DOT1L: variants seen among roughly 807,000 people sequenced by gnomAD.
The protein encoded by DOT1L is DOT1 like histone lysine methyltransferase.
Under a neutral mutation model 153.3 loss-of-function variants are expected in DOT1L, and 33 were observed. The ratio of observed to expected loss-of-function variants is 0.22; its 90% CI spans 0.16 to 0.29. The LOEUF is 0.29. Ranked by LOEUF, DOT1L falls within the 10% of genes least tolerant of loss-of-function variation. DOT1L has a pLI of 1.00. For synonymous variants in DOT1L, 1,135 were observed against 965.1 expected (o/e 1.18, Z -3.26); for missense variants, 1,847 against 2,119.9 (o/e 0.87, Z 2.53).
At chr19:2,187,348 C>T (rs763237030) in intron 3 of DOT1L, among the ~76,000 whole-genome samples, 8 of 152,248 alleles carry the variant, frequency 5.3e-5, no homozygotes, top group Admixed American at 1.3e-4. Flanking sequence ...GCTGTGCTCA[C>T]GGCGCCCCTC....
chr19:2,228,463 C>T (rs2024461709), intron 27 of DOT1L: 6 of 1,213,370 alleles, frequency 4.9e-6, no homozygotes, highest in African/African-American at 1.6e-5. Flanking sequence ...CCACAGGGCT[C>T]GGCAGAAGTT....
At chr19:2,182,229 AAAAT>A (rs374381549) in intron 2 of DOT1L, among the ~76,000 whole-genome samples, 2 of 151,904 alleles carry the variant, frequency 1.3e-5, no homozygotes, top group Non-Finnish European at 2.9e-5. Context: ...CTCCATCTCA[AAAAT>A]AAATAAATAA....
rs750798710 is a variant in DOT1L, at chr19:2,213,906, G to T, written c.1717G>T (p.Ala573Ser). 1 of 1,613,104 alleles carries T rather than the reference G, an allele frequency of 6.2e-7. No homozygotes were observed. Among genetic ancestry groups the T allele is most frequent in the South Asian group, 1.1e-5 (1 of 91,088 alleles). ...DLIQAQKEIS[A>S]HNQQLREQSE... is the part of the protein sequence containing the mutation. Reference sequence around the variant, plus strand: ...GATTCAAGCGCAGAAGGAGATCTCCGCCCATAACCAGCAGCTGCGGGAGCA... The same window carrying T: ...GATTCAAGCGCAGAAGGAGATCTCCTCCCATAACCAGCAGCTGCGGGAGCA... Residue 573 changes from alanine (A) to serine (S), a missense_variant, in exon 18 of 28, where the codon GCC becomes TCC. This residue lies in a region of DOT1L where 156 missense variants were observed against 235.7 expected (regional missense o/e 0.66). Transcript: ENST00000398665.
intron 9 of DOT1L, 74 bp from the exon 10 acceptor site, chr19:2,206,655 T>C: frequency 6.8e-7 from 1 of 1,471,618 alleles, no homozygotes; most frequent in African/African-American, 1.4e-5. Flanking sequence ...TTGTTCCTTC[T>C]CTGTCACCTT....
At chr19:2,224,490 CAG>C (rs1599620290) in intron 25 of DOT1L, among the ~76,000 whole-genome samples, 4 of 143,052 alleles carry the variant, frequency 2.8e-5, no homozygotes, top group East Asian at 4.0e-4. Context: ...TCCTGAGACA[CAG>C]AGTTTTGGTC....
intron 7 of DOT1L, among the ~76,000 whole-genome samples, chr19:2,194,785 C>T (rs774661351): frequency 1.3e-5 from 2 of 152,242 alleles, no homozygotes; most frequent in East Asian, 1.9e-4. Context: ...CCCTCTCGTC[C>T]TCTCTGACAT....
intron 1 of DOT1L, among the ~76,000 whole-genome samples, chr19:2,167,902 A>C (rs2019988016): frequency 6.6e-6 from 1 of 151,460 alleles, no homozygotes; most frequent in Non-Finnish European, 1.5e-5. Context: ...TGCCTGGCTT[A>C]TTTTGTATTT....
chr19:2,229,312 T>C, intron 27 of DOT1L: 1 of 985,434 alleles, frequency 1.0e-6, no homozygotes, highest in Non-Finnish European at 1.2e-6. Flanking sequence ...GCCCTCTGCT[T>C]GCCCCTGGCC....
At position 2,228,836 on chromosome 19, in the gene DOT1L, C is replaced by T; in HGVS notation, c.4607-949C>T. 5 of 985,378 alleles carry T rather than the reference C, an allele frequency of 5.1e-6. 1 individual carries two copies. In the South Asian group the frequency reaches 1.4e-4, roughly 28 times the overall value. The allele number at this position is 985,378 out of a possible 1,614,324, so 61.0% of individuals were successfully genotyped here. On this transcript the variant is annotated intron_variant, in intron 27 of 27. Coordinates refer to ENST00000398665, the MANE Select transcript of DOT1L (RefSeq NM_032482.3). The stretch of plus-strand genomic sequence containing the variant: ...AGGCACGGTGCCGGCTGCAGAGGTC[C>T]TGGAGAGCCAGGGTGGCTGGCTGGA...
At position 2,179,700 on chromosome 19, in the gene DOT1L, G is replaced by A. The variant is rs180714727; in HGVS notation, c.82-1013G>A. ...CTCATGCCAGTAATCCCAGCTACTC[G>A]GGAGGCTGAGGCAGGAGAATCCCTT... On this transcript the variant is annotated intron_variant, in intron 1 of 27. Transcript: ENST00000398665. Among the ~76,000 whole-genome samples, 4 of 152,224 alleles carry A rather than the reference G, an allele frequency of 2.6e-5. No individual in the cohort carries two copies. In the East Asian group the frequency reaches 7.7e-4, roughly 29 times the overall value.
chr19:2,167,738 T>C (rs959748817), intron 1 of DOT1L, among the ~76,000 whole-genome samples: 5 of 85,190 alleles, frequency 5.9e-5, no homozygotes, highest in Admixed American at 1.2e-4. Context: ...TCTTTTCTTT[T>C]TTTTTTTTTT....
chr19:2,219,508 C>T (rs2024033228), intron 22 of DOT1L, among the ~76,000 whole-genome samples: 1 of 152,146 alleles, frequency 6.6e-6, no homozygotes, highest in Non-Finnish European at 1.5e-5. Context: ...TTCATCCGTG[C>T]CCAGTTGATG....
Position 2,193,813 on chromosome 19 carries a change from G to T in DOT1L, c.588+30G>T, listed in dbSNP as rs773710938. On this transcript the variant is annotated intron_variant, in intron 6 of 27. Coordinates refer to ENST00000398665, the MANE Select transcript of DOT1L (RefSeq NM_032482.3). This position sits in a 1 kb window ranked among gnomAD's most constrained non-coding sequence, Gnocchi z 5.9. ...GCGGATCTGAGGGCCAGGGTGTGTT[G>T]GAGGCAGGGGACCATCAGAGAAAGT... 6.2e-7 allele frequency: 1 copy of T among 1,605,422 alleles called. No individual in the cohort carries two copies. Among genetic ancestry groups the T allele is most frequent in the Non-Finnish European group, 8.5e-7 (1 of 1,174,614 alleles).
chr19:2,179,414 C>T (rs1035673588), intron 1 of DOT1L, among the ~76,000 whole-genome samples: 1 of 152,088 alleles, frequency 6.6e-6, no homozygotes, highest in African/African-American at 2.4e-5. Flanking sequence ...CTCTGACGCG[C>T]CCTGTGGACT....
chr19:2,187,779 G>T (rs186216076), intron 3 of DOT1L, among the ~76,000 whole-genome samples: 1 of 152,134 alleles, frequency 6.6e-6, no homozygotes, highest in Non-Finnish European at 1.5e-5. Context: ...AAAATTAGCC[G>T]GGCGTGGTGG....
intron 22 of DOT1L, among the ~76,000 whole-genome samples, chr19:2,218,523 A>G (rs954675502): frequency 4.0e-5 from 6 of 150,038 alleles, no homozygotes; most frequent in African/African-American, 1.5e-4. Flanking sequence ...CCTCCCGAGT[A>G]GCTGGGACTA....
At position 2,222,499 on chromosome 19, in the gene DOT1L, G is replaced by C. The variant is rs368764132; in HGVS notation, c.3330G>C (p.Leu1110=). Residue 1110 remains leucine (L), a synonymous_variant, in exon 24 of 28, where the codon CTG becomes CTC. Transcript: ENST00000398665. The surrounding 1 kb of genome is among the most constrained non-coding windows in gnomAD (Gnocchi z 6.5). Reference sequence around the variant, plus strand: ...GCGTGTCCCCCAAGCGCCGAGCCCTGCCGTCCGTCGCTGGCCTTTTCACAC... The same window carrying C: ...GCGTGTCCCCCAAGCGCCGAGCCCTCCCGTCCGTCGCTGGCCTTTTCACAC... ...SAGVSPKRRA[L]PSVAGLFTQP... is the part of the protein sequence containing the mutation. 11 of 1,583,344 alleles carry C rather than the reference G, an allele frequency of 6.9e-6. No homozygotes were observed. In the African/African-American group the frequency reaches 1.5e-4, roughly 21 times the overall value.
rs913274624 is a variant in DOT1L, at chr19:2,193,929, C to T, written c.588+146C>T. ...CCCAAGACGTCTTGGTTGCCTGCAG[C>T]GTGTGCCTGTGAATAGGGTGCCCGA... On this transcript the variant is annotated intron_variant, in intron 6 of 27. Transcript: ENST00000398665. The surrounding 1 kb of genome is among the most constrained non-coding windows in gnomAD (Gnocchi z 5.9). 1.8e-5 allele frequency: 15 copies of T among 823,702 alleles called. 1 individual carries two copies. The South Asian group carries it at 2.3e-4, about 13-fold the overall frequency. 51.0% of individuals were successfully genotyped at this position (823,702 alleles called of 1,614,324 possible). A position where few individuals can be genotyped will look rare whatever the true frequency, so the allele number is the denominator to read the frequency against.
intron 7 of DOT1L, among the ~76,000 whole-genome samples, chr19:2,195,594 C>G (rs562113296): frequency 9.2e-5 from 14 of 151,966 alleles, no homozygotes; most frequent in Non-Finnish European, 2.1e-4. Context: ...GAGTACAGAG[C>G]CCGCAGCCCC....
Sources: allele counts gnomAD v4.1 joint callset (sites outside exome capture counted in the v4.1 genomes callset), GRCh38; gene constraint gnomAD v4.1.1; regional missense constraint gnomAD v4.1.1; non-coding constraint Gnocchi (gnomAD v3.1); transcripts MANE v1.5; gene names NCBI Gene and HGNC (gene_info 2026-07-23, HGNC 2026-07-21).